Variants in TBC1D14 observed in about 807,000 individuals in gnomAD.
TBC1D14 encodes TBC1 domain family member 14, also known as TBC1 domain family, member 14.
TBC1D14 carries 26 observed loss-of-function variants against 79.0 expected under a neutral mutation model. The observed-to-expected ratio is 0.33, with a 90% confidence interval of 0.24 to 0.46. The LOEUF is 0.46. TBC1D14 is among the 20% of genes least tolerant of loss of function. The pLI, the probability that TBC1D14 is intolerant of heterozygous loss-of-function variation, is 1.00. For synonymous variants in TBC1D14, 394 were observed against 349.9 expected (o/e 1.13, Z -1.40); for missense variants, 769 against 887.6 (o/e 0.87, Z 1.70).
intron 2 of TBC1D14, among the ~76,000 whole-genome samples, chr4:6,935,853 A>G (rs528466622): frequency 1.3e-5 from 2 of 152,246 alleles, no homozygotes; most frequent in Non-Finnish European, 2.9e-5. Flanking sequence ...TGTGTTGGCC[A>G]GGCTGGTCTT....
chr4:7,018,082 C>T (rs899866147), intron 12 of TBC1D14, among the ~76,000 whole-genome samples: 2 of 152,180 alleles, frequency 1.3e-5, no homozygotes, highest in Admixed American at 6.5e-5. Context: ...CACTGAGGCC[C>T]ATGGTGTGAG....
At chr4:6,920,859 A>G (rs1020686527) in intron 1 of TBC1D14, among the ~76,000 whole-genome samples, 10 of 151,350 alleles carry the variant, frequency 6.6e-5, no homozygotes, top group African/African-American at 2.4e-4. Context: ...GCTCACTGCA[A>G]CCTCCACCTC....
Position 6,996,385 on chromosome 4 carries a change from G to T in TBC1D14, c.1023G>T (p.Met341Ile). The change falls in exon 5 of 14, where the codon ATG (methionine) becomes ATT (isoleucine). Residue 341 changes from methionine (M) to isoleucine (I), a missense_variant. Transcript: ENST00000409757. Reference protein sequence around the residue: ...AQKHRQQYEEMVVQAKKRELK... With the variant: ...AQKHRQQYEEIVVQAKKRELK... ...AGCACAGACAGCAGTATGAAGAAAT[G>T]GTGGTTCAGGCCAAAAAGCGAGGTA... 1 of 1,613,776 alleles carries T rather than the reference G, an allele frequency of 6.2e-7. No homozygotes were observed. Among genetic ancestry groups the T allele is most frequent in the Non-Finnish European group, 8.5e-7 (1 of 1,179,780 alleles).
intron 3 of TBC1D14, among the ~76,000 whole-genome samples, chr4:6,989,804 C>G (rs1718304297): frequency 6.6e-6 from 1 of 152,128 alleles, no homozygotes; most frequent in Admixed American, 6.5e-5. Flanking sequence ...GCCTCCCTGC[C>G]TTTTTTCTTC....
chr4:6,924,133 A>G (rs764604317), intron 2 of TBC1D14, 22 bp downstream of exon 2: 1 of 1,596,868 alleles, frequency 6.3e-7, no homozygotes, highest in South Asian at 1.1e-5. Context: ...TTTGCCCTCT[A>G]GAAGATCGTG....
intron 7 of TBC1D14, among the ~76,000 whole-genome samples, chr4:7,002,005 T>C (rs1478770435): frequency 2.6e-5 from 4 of 152,212 alleles, no homozygotes; most frequent in Non-Finnish European, 5.9e-5. Context: ...TGATGTGGTT[T>C]TTATGCTCAT....
chr4:6,936,215 G>C (rs1271741851), intron 2 of TBC1D14, among the ~76,000 whole-genome samples: 1 of 152,200 alleles, frequency 6.6e-6, no homozygotes, highest in Admixed American at 6.5e-5. Flanking sequence ...TGTGCACTCT[G>C]TGGGTTTGGA....
At chr4:7,009,454 T>A (rs1282044542) in intron 9 of TBC1D14, among the ~76,000 whole-genome samples, 1 of 152,158 alleles carries the variant, frequency 6.6e-6, no homozygotes, top group Non-Finnish European at 1.5e-5. Flanking sequence ...GTGATAAGCC[T>A]GGGAGGAGAG....
rs903749585 is a variant in TBC1D14, at chr4:6,954,131, G to A, written c.723-13173G>A. The A allele has an allele frequency of 3.8e-5, 23 of 598,758 alleles. No individual in the cohort carries two copies. In the East Asian group the frequency reaches 6.5e-4, roughly 17 times the overall value. 37.1% of individuals were successfully genotyped at this position (598,758 alleles called of 1,614,324 possible). On this transcript the variant is annotated intron_variant, in intron 2 of 13. Coordinates refer to ENST00000409757, the MANE Select transcript of TBC1D14 (RefSeq NM_020773.3). ...CCCGCCCTGCCGCCCCCGCCTTTCC[G>A]CCGGCCTGCTGGGTCCAGCTTGCCT...
At chr4:6,919,801 A>G (rs1218403986) in intron 1 of TBC1D14, among the ~76,000 whole-genome samples, 4 of 151,826 alleles carry the variant, frequency 2.6e-5, no homozygotes, top group Non-Finnish European at 4.4e-5. Flanking sequence ...TTGTATTTTT[A>G]GTAGAGAGGG....
chr4:6,914,619 G>C (rs559445732), intron 1 of TBC1D14, among the ~76,000 whole-genome samples: 1 of 152,324 alleles, frequency 6.6e-6, no homozygotes, highest in Admixed American at 6.5e-5. Flanking sequence ...GACAGAACTA[G>C]TGCATATAGA....
At chr4:7,000,914 G>A (rs148805049) in intron 6 of TBC1D14, among the ~76,000 whole-genome samples, 3 of 152,294 alleles carry the variant, frequency 2.0e-5, no homozygotes, top group East Asian at 1.9e-4. Context: ...CCTCTGGTTC[G>A]TGGTGACCTA....
At chr4:7,025,933 G>A (rs1229715010) in intron 13 of TBC1D14, among the ~76,000 whole-genome samples, 1 of 152,166 alleles carries the variant, frequency 6.6e-6, no homozygotes, top group African/African-American at 2.4e-5. Flanking sequence ...AAACCAGTTT[G>A]GGTTCTTGAT....
intron 2 of TBC1D14, among the ~76,000 whole-genome samples, chr4:6,962,579 TG>T (rs894840848): frequency 2.0e-5 from 3 of 152,018 alleles, no homozygotes; most frequent in Non-Finnish European, 4.4e-5. Flanking sequence ...GGCCCTTTGT[TG>T]GGGATGCAAA....
intron 12 of TBC1D14, among the ~76,000 whole-genome samples, chr4:7,019,686 C>T (rs1429186094): frequency 6.6e-6 from 1 of 152,060 alleles, no homozygotes; most frequent in African/African-American, 2.4e-5. Flanking sequence ...GACAGAAAGA[C>T]TGGAACCCTG....
At chr4:6,990,176 G>A (rs1412172378) in intron 3 of TBC1D14, among the ~76,000 whole-genome samples, 1 of 152,212 alleles carries the variant, frequency 6.6e-6, no homozygotes, top group Non-Finnish European at 1.5e-5. Flanking sequence ...GGGGCTGGGT[G>A]CAGTGGCTCA....
chr4:6,927,782 A>G (rs1321463307), intron 2 of TBC1D14, among the ~76,000 whole-genome samples: 2 of 152,206 alleles, frequency 1.3e-5, no homozygotes, highest in African/African-American at 2.4e-5. Flanking sequence ...CAGATACCCC[A>G]GGGAGGGGCT....
chr4:6,949,314 A>G (rs1713794907), intron 2 of TBC1D14, among the ~76,000 whole-genome samples: 1 of 152,158 alleles, frequency 6.6e-6, no homozygotes, highest in African/African-American at 2.4e-5. Context: ...AGTTTGGCAG[A>G]TTGTACAAAT....
At chr4:7,024,251 C>T (rs937860073) in intron 12 of TBC1D14, among the ~76,000 whole-genome samples, 1 of 152,162 alleles carries the variant, frequency 6.6e-6, no homozygotes, top group African/African-American at 2.4e-5. Flanking sequence ...CCCCTCAGGC[C>T]GAGTCCAGTG....
Sources: gnomAD v4.1 joint callset for allele counts (sites outside exome capture counted in the v4.1 genomes callset) on GRCh38, gnomAD v4.1.1 for gene constraint, MANE v1.5 for transcripts, NCBI Gene and HGNC (gene_info 2026-07-23, HGNC 2026-07-21) for gene names.